The following DAB1 variants were observed in gnomAD, a reference collection of about 807,000 sequenced individuals.
The protein encoded by DAB1 is DAB adaptor protein 1.
A neutral mutation model predicts 64.6 loss-of-function variants in DAB1; 15 were observed. The observed-to-expected ratio is 0.23, with a 90% CI of 0.16 to 0.36. The LOEUF is 0.36. Among genes scored for constraint, DAB1 ranks in the 10% least tolerant of loss-of-function variants. The pLI is 1.00. For synonymous variants in DAB1, 235 were observed against 251.9 expected, an observed-to-expected ratio of 0.93 and a Z score of 0.64; for missense variants, 596 against 706.7, an observed-to-expected ratio of 0.84 and a Z score of 1.78.
At chr1:57,908,479 T>A (rs774580325) in intron 5 of DAB1, among the ~76,000 whole-genome samples, 10 of 152,140 alleles carry the variant, frequency 6.6e-5, no homozygotes, top group Non-Finnish European at 1.5e-4. Flanking sequence ...TCCTCCCGCA[T>A]CCTGATGGGC....
intron 1 of DAB1, among the ~76,000 whole-genome samples, chr1:57,396,041 G>C (rs1006085580): frequency 6.6e-6 from 1 of 152,194 alleles, no homozygotes; most frequent in African/African-American, 2.4e-5. Flanking sequence ...TGTGGGGCTA[G>C]ACCACCCAAA....
chr1:57,448,208 T>C (rs1172401490), intron 7 of DAB1, among the ~76,000 whole-genome samples: 1 of 152,206 alleles, frequency 6.6e-6, no homozygotes, highest in East Asian at 1.9e-4. Flanking sequence ...TTTGTAGAAA[T>C]AGCACGCTAT....
chr1:57,583,435 C>CGCCAATAT (rs1490111331), intron 7 of DAB1, among the ~76,000 whole-genome samples: 1 of 151,788 alleles, frequency 6.6e-6, no homozygotes, highest in African/African-American at 2.4e-5. Flanking sequence ...TACACGCGCG[C>CGCCAATAT]GCCAATATGC....
At chr1:58,163,656 C>T (rs1255883094) in intron 4 of DAB1, among the ~76,000 whole-genome samples, 2 of 152,214 alleles carry the variant, frequency 1.3e-5, no homozygotes, top group Non-Finnish European at 2.9e-5. Flanking sequence ...AAGACCACAA[C>T]TTTTCTGCCA....
intron 2 of DAB1, among the ~76,000 whole-genome samples, chr1:57,174,934 T>C (rs1022846701): frequency 1.3e-5 from 2 of 152,174 alleles, no homozygotes; most frequent in African/African-American, 4.8e-5. Context: ...GTTATTTCTA[T>C]GAAAAATGAA....
chr1:58,300,646 G>GGAAGGAAGGAAGGAAGGAAGGA (rs1553173952), intron 4 of DAB1, among the ~76,000 whole-genome samples: 1 of 57,292 alleles, frequency 1.7e-5, no homozygotes, highest in Non-Finnish European at 3.5e-5. Context: ...GAGAGAGAGA[G>GGAAGGAAGGAAGGAAGGAAGGA]AGGAAGGAAG....
Position 57,153,397 on chromosome 1 carries a change from T to C in DAB1, c.68-7968A>G, listed in dbSNP as rs569875169. ...TAAAATCAAACATAAATAGACATCT[T>C]ATATTTTTCTCAGGTACCAGCAGAT... On this transcript the variant is annotated intron_variant, in intron 2 of 14. Transcript: ENST00000371236. 2.0e-5 allele frequency among the ~76,000 whole-genome samples: 3 copies of C among 152,306 alleles called. No homozygotes were observed. In the South Asian group the frequency reaches 6.2e-4, roughly 32 times the overall value.
intron 7 of DAB1, among the ~76,000 whole-genome samples, chr1:57,509,343 T>C (rs1004501790): frequency 2.0e-5 from 3 of 152,100 alleles, no homozygotes; most frequent in Non-Finnish European, 4.4e-5. Flanking sequence ...ACCTATGATG[T>C]CAAAGAACCA....
chr1:58,374,971 GCT>G lies in DAB1; in HGVS notation n.258-31570_258-31569del, dbSNP rs1187544045. Among the ~76,000 whole-genome samples, 5 of 137,110 alleles carry G rather than the reference GCT, an allele frequency of 3.6e-5. No individual in the cohort carries two copies. In the Admixed American group the frequency reaches 3.7e-4, roughly 10 times the overall value. 89.9% of individuals were successfully genotyped at this position (137,110 alleles called of 152,430 possible). A position where few individuals can be genotyped will look rare whatever the true frequency, so the allele number is the denominator to read the frequency against. ...TGAATGGGAGTTCACTCATGATTTG[GCT>G]CTCTGTTTGTCTGTTGTTGGTGTAT... On this transcript the variant is annotated intron_variant and non_coding_transcript_variant, in intron 3 of 20. Coordinates refer to the DAB1 transcript ENST00000485760.
Position 57,637,586 on chromosome 1 carries a change from A to G in DAB1, n.625+12006T>C, listed in dbSNP as rs187648776. Among the ~76,000 whole-genome samples the G allele has an allele frequency of 8.9e-4, 135 of 152,292 alleles. 1 individual carries two copies. The East Asian group carries it at 0.019, about 22-fold the overall frequency. ...AGGCAGGTCGGCAGGTGAGGGTAACATGGGAGGCAGGGTTGATAAAGACAG... is the reference window on the plus strand; with the variant it reads ...AGGCAGGTCGGCAGGTGAGGGTAACGTGGGAGGCAGGGTTGATAAAGACAG... On this transcript the variant is annotated intron_variant and non_coding_transcript_variant, in intron 7 of 20. Coordinates refer to the DAB1 transcript ENST00000485760.
At chr1:58,467,482 A>C (rs1191386278) in intron 3 of DAB1, among the ~76,000 whole-genome samples, 1 of 152,244 alleles carries the variant, frequency 6.6e-6, no homozygotes, top group Admixed American at 6.5e-5. Context: ...TGCTACTGTC[A>C]TAGCCACTGG....
At chr1:57,157,835 A>G (rs1016433179) in intron 2 of DAB1, among the ~76,000 whole-genome samples, 1 of 152,198 alleles carries the variant, frequency 6.6e-6, no homozygotes, top group Admixed American at 6.5e-5. Context: ...AGAAATGAGC[A>G]TGCCTGTCCC....
chr1:57,193,234 G>A (rs72917157), intron 2 of DAB1, among the ~76,000 whole-genome samples: 5,635 of 150,020 alleles, frequency 0.038, 209 homozygotes, highest in African/African-American at 0.098. Context: ...CACCCCACCC[G>A]GTCCCTGGTA....
At chr1:58,276,401 C>A (rs1661445240) in intron 4 of DAB1, among the ~76,000 whole-genome samples, 2 of 152,050 alleles carry the variant, frequency 1.3e-5, no homozygotes, top group African/African-American at 4.8e-5. Context: ...GAGTGCTTTT[C>A]ACAAAGGAAG....
chr1:57,301,238 C>T (rs1047964246), intron 1 of DAB1, among the ~76,000 whole-genome samples: 6 of 152,132 alleles, frequency 3.9e-5, no homozygotes, highest in Non-Finnish European at 8.8e-5. Flanking sequence ...GCTGGAGGTA[C>T]AGAGGGAGAT....
intron 1 of DAB1, among the ~76,000 whole-genome samples, chr1:57,831,104 G>A (rs1416170333): frequency 1.3e-5 from 2 of 152,000 alleles, no homozygotes; most frequent in African/African-American, 2.4e-5. Flanking sequence ...TAGTATAGAC[G>A]GGGTTTCACC....
At chr1:57,139,666 C>T (rs560762792) in intron 3 of DAB1, among the ~76,000 whole-genome samples, 136 of 152,264 alleles carry the variant, frequency 8.9e-4, no homozygotes, top group Non-Finnish European at 1.7e-3. Context: ...ATTTCCAAAA[C>T]AGTCCTAACA....
At chr1:57,380,949 C>G (rs17096836) in intron 1 of DAB1, among the ~76,000 whole-genome samples, 17,635 of 152,132 alleles carry the variant, frequency 0.12, 1,143 homozygotes, top group Admixed American at 0.15. Flanking sequence ...TATGAGTCTC[C>G]TATATCTCCT....
intron 1 of DAB1, among the ~76,000 whole-genome samples, chr1:57,836,261 T>G (rs971865213): frequency 2.0e-5 from 3 of 152,186 alleles, no homozygotes; most frequent in African/African-American, 7.2e-5. Context: ...TTCATCAAAA[T>G]GTAATATAGC....
Sources: gnomAD v4.1 joint callset for allele counts (sites outside exome capture counted in the v4.1 genomes callset) on GRCh38, gnomAD v4.1.1 for gene constraint, MANE v1.5 for transcripts, NCBI Gene and HGNC (gene_info 2026-07-23, HGNC 2026-07-21) for gene names.